Variants in RNU4ATAC observed in about 807,000 individuals in gnomAD.
RNU4ATAC encodes RNA, U4atac small nuclear, also known as RNA, U4atac small nuclear (U12-dependent splicing).
chr2:121,530,916 G>A lies in RNU4ATAC; in HGVS notation n.36G>A, dbSNP rs756026847. 9.0e-5 allele frequency: 63 copies of A among 699,402 alleles called. No individual in the cohort carries two copies. The highest frequency in any genetic ancestry group is 1.4e-4 in the Non-Finnish European group (55 of 384,092). The allele number at this position is 699,402 out of a possible 1,614,324, so 43.3% of individuals were successfully genotyped here. Reference sequence around the variant, plus strand: ...TCTTGGGGTTGCGCTACTGTCCAATGAGCGCATAGTGAGGGCAGTACTGCT... The same window carrying A: ...TCTTGGGGTTGCGCTACTGTCCAATAAGCGCATAGTGAGGGCAGTACTGCT... On this transcript the variant is annotated non_coding_transcript_exon_variant, in exon 1 of 1. Coordinates refer to ENST00000580972, the Ensembl canonical transcript of RNU4ATAC.
chr2:121,530,953 A>T (rs777507405), exon 1 of RNU4ATAC: 1 of 700,316 alleles, frequency 1.4e-6, no homozygotes, highest in African/African-American at 1.7e-5. Flanking sequence ...ACGCCTGAAC[A>T]ACACACCCGC....
rs750878745 is a variant in RNU4ATAC, at chr2:121,530,964, A to C, written n.84A>C. 15 of 700,348 alleles carry C rather than the reference A, an allele frequency of 2.1e-5. No individual in the cohort carries two copies. Among genetic ancestry groups the C allele is most frequent in the South Asian group, 5.9e-5 (4 of 67,512 alleles). 43.4% of individuals were successfully genotyped at this position (700,348 alleles called of 1,614,324 possible). A position where few individuals can be genotyped will look rare whatever the true frequency, so the allele number is the denominator to read the frequency against. ...GCTAACGCCTGAACAACACACCCGC[A>C]TCAACTAGAGCTTTTGCTTTATTTT... On this transcript the variant is annotated non_coding_transcript_exon_variant, in exon 1 of 1. Coordinates refer to ENST00000580972, the Ensembl canonical transcript of RNU4ATAC.
At chr2:121,530,886 C>G (rs764712132) in exon 1 of RNU4ATAC, 1 of 692,914 alleles carries the variant, frequency 1.4e-6, no homozygotes, top group Non-Finnish European at 2.6e-6. Flanking sequence ...TTATAACCAT[C>G]CTTTTCTTGG....
chr2:121,530,952 C>A (rs549662600), exon 1 of RNU4ATAC: 6 of 700,300 alleles, frequency 8.6e-6, no homozygotes, highest in African/African-American at 1.7e-5. Context: ...AACGCCTGAA[C>A]AACACACCCG....
Sources: gnomAD v4.1 joint callset for allele counts on GRCh38, gnomAD v4.1.1 for gene constraint, MANE v1.5 for transcripts, NCBI Gene and HGNC (gene_info 2026-07-23, HGNC 2026-07-21) for gene names.